RSPO2: variants seen among roughly 807,000 people sequenced by gnomAD.
RSPO2 encodes the protein R-spondin 2.
A neutral mutation model predicts 30.9 loss-of-function variants in RSPO2; 14 were observed. The observed-to-expected ratio is 0.45, with a 90% CI of 0.30 to 0.71. The LOEUF (loss-of-function observed/expected upper bound fraction) is 0.71. Among genes scored for constraint, RSPO2 ranks in the 30% least tolerant of loss-of-function variants. The pLI, the probability that RSPO2 is intolerant of heterozygous loss-of-function variation, is 0.08. For synonymous variants in RSPO2, 107 were observed against 96.4 expected (o/e 1.11, Z -0.64); for missense variants, 264 against 301.9 (o/e 0.87, Z 0.93).
At chr8:108,035,934 AACAT>A (rs1206315533) in intron 2 of RSPO2, among the ~76,000 whole-genome samples, 5 of 152,200 alleles carry the variant, frequency 3.3e-5, no homozygotes, top group African/African-American at 1.2e-4. Flanking sequence ...GGCTAATAAA[AACAT>A]TTTTCATGAT....
intron 2 of RSPO2, among the ~76,000 whole-genome samples, chr8:108,005,414 A>G (rs1815420058): frequency 1.3e-5 from 2 of 152,198 alleles, no homozygotes; most frequent in Non-Finnish European, 1.5e-5. Context: ...TTTTGCCTAA[A>G]TAAACTATTA....
chr8:107,928,719 C>T (rs1586552354), intron 5 of RSPO2, among the ~76,000 whole-genome samples: 2 of 152,300 alleles, frequency 1.3e-5, no homozygotes, highest in South Asian at 4.1e-4. Context: ...TCCAAAGCTT[C>T]ATAGCGGGTA....
rs191169328 is a variant in RSPO2, at chr8:108,024,761, T to C, written c.95-35517A>G. Among the ~76,000 whole-genome samples, 896 of 152,346 alleles carry C rather than the reference T, an allele frequency of 5.9e-3. 6 individuals carry two copies. The highest frequency in any genetic ancestry group is 0.02 in the South Asian group (98 of 4,830). Reference sequence around the variant, plus strand: ...TAGGCTGGGCATGGTGGCTCACGCCTGTAATCCCAGCACTTTGGGAGGCCA... The same window carrying C: ...TAGGCTGGGCATGGTGGCTCACGCCCGTAATCCCAGCACTTTGGGAGGCCA... On this transcript the variant is annotated intron_variant, in intron 2 of 5. Coordinates refer to ENST00000276659, the MANE Select transcript of RSPO2 (RefSeq NM_178565.5).
chr8:107,909,261 T>TGG (rs59607581), intron 5 of RSPO2, among the ~76,000 whole-genome samples: 1 of 107,704 alleles, frequency 9.3e-6, no homozygotes, highest in African/African-American at 3.4e-5. Flanking sequence ...TCCCAGTTGT[T>TGG]TTTTTTTTTT....
chr8:108,059,445 G>A (rs974617793), intron 2 of RSPO2, among the ~76,000 whole-genome samples: 7 of 151,486 alleles, frequency 4.6e-5, no homozygotes, highest in Non-Finnish European at 8.8e-5. Context: ...TCAGTGTGGC[G>A]ATTCCTCAGG....
intron 5 of RSPO2, among the ~76,000 whole-genome samples, chr8:107,947,879 T>C (rs962969878): frequency 7.2e-5 from 11 of 152,266 alleles, no homozygotes; most frequent in African/African-American, 2.7e-4. Flanking sequence ...TCACAAATTC[T>C]GCGTTTCGGC....
intron 3 of RSPO2, among the ~76,000 whole-genome samples, chr8:107,972,019 C>T (rs916780008): frequency 2.6e-5 from 4 of 152,186 alleles, no homozygotes; most frequent in African/African-American, 9.7e-5. Flanking sequence ...ATGTAGAAAA[C>T]AGAGCCTGTC....
chr8:107,974,244 T>C (rs1224725267), intron 3 of RSPO2, among the ~76,000 whole-genome samples: 3 of 147,090 alleles, frequency 2.0e-5, no homozygotes, highest in Non-Finnish European at 4.5e-5. Context: ...TCCAACACTT[T>C]GGGAGGCCGA....
At position 108,049,395 on chromosome 8, in the gene RSPO2, A is replaced by T. The variant is rs566104232; in HGVS notation, c.94+33150T>A. Among the ~76,000 whole-genome samples the T allele has an allele frequency of 8.6e-4, 131 of 151,608 alleles. 3 individuals carry two copies. The highest frequency in any genetic ancestry group is 3.4e-3 in the Middle Eastern group (1 of 294). On this transcript the variant is annotated intron_variant, in intron 2 of 5. Transcript: ENST00000276659. ...TTAAAGAATACATGCATCTTTTTTA[A>T]AAAAAAATTACTTTAGATTCTGGGA... is the stretch of plus-strand genomic sequence containing the variant.
intron 5 of RSPO2, among the ~76,000 whole-genome samples, chr8:107,921,752 C>T (rs1181592401): frequency 6.6e-6 from 1 of 152,096 alleles, no homozygotes; most frequent in Non-Finnish European, 1.5e-5. Flanking sequence ...ACAGCTTATC[C>T]ACCATGATCA....
At chr8:108,024,008 G>T (rs1239770709) in intron 2 of RSPO2, among the ~76,000 whole-genome samples, 3 of 152,090 alleles carry the variant, frequency 2.0e-5, no homozygotes, top group Non-Finnish European at 4.4e-5. Context: ...CATTAAACAT[G>T]AATTAAATTA....
intron 3 of RSPO2, chr8:107,983,384 C>T: frequency 6.2e-7 from 1 of 1,607,052 alleles, no homozygotes; most frequent in South Asian, 1.1e-5. Flanking sequence ...CAGCAGAACA[C>T]AGACAAGGAT....
intron 5 of RSPO2, among the ~76,000 whole-genome samples, chr8:107,921,493 C>A (rs1812171780): frequency 6.6e-6 from 1 of 152,032 alleles, no homozygotes; most frequent in South Asian, 2.1e-4. Flanking sequence ...CTGAAAGTAA[C>A]TATCAACTTA....
intron 3 of RSPO2, among the ~76,000 whole-genome samples, chr8:107,961,991 G>T (rs553829184): frequency 6.6e-6 from 1 of 152,328 alleles, no homozygotes; most frequent in East Asian, 1.9e-4. Context: ...AAGGAGAGAA[G>T]TTCGCAGGAC....
At chr8:108,078,918 A>G (rs1813099667) in intron 2 of RSPO2, among the ~76,000 whole-genome samples, 1 of 152,254 alleles carries the variant, frequency 6.6e-6, no homozygotes, top group Admixed American at 6.5e-5. Flanking sequence ...TGAGGGAGAT[A>G]TAAGATTAAG....
intron 2 of RSPO2, among the ~76,000 whole-genome samples, chr8:107,992,909 T>C (rs1047915241): frequency 1.3e-5 from 2 of 151,248 alleles, no homozygotes; most frequent in African/African-American, 4.9e-5. Context: ...AAGGCAAATA[T>C]CTTAATTTTT....
intron 5 of RSPO2, among the ~76,000 whole-genome samples, chr8:107,906,429 C>G (rs978371133): frequency 7.0e-6 from 1 of 142,150 alleles, no homozygotes; most frequent in Non-Finnish European, 1.6e-5. Flanking sequence ...TAACAATTAA[C>G]TTTATATCCA....
At chr8:107,943,900 C>T (rs1342427825) in intron 5 of RSPO2, among the ~76,000 whole-genome samples, 6 of 152,190 alleles carry the variant, frequency 3.9e-5, no homozygotes, top group Non-Finnish European at 7.3e-5. Context: ...CAGGTTTTGA[C>T]GTAAGATGAA....
At position 107,904,110 on chromosome 8, in the gene RSPO2, A is replaced by T. The variant is rs1563742519; in HGVS notation, c.617-2920T>A. On this transcript the variant is annotated intron_variant, in intron 5 of 5. Transcript: ENST00000276659. Reference sequence around the variant, plus strand: ...TCTATATATTTGAAAATAAGTTATAATAGACATACAAACGTGCTAATTTCT... The same window carrying T: ...TCTATATATTTGAAAATAAGTTATATTAGACATACAAACGTGCTAATTTCT... Among the ~76,000 whole-genome samples, 5 of 152,076 alleles carry T rather than the reference A, an allele frequency of 3.3e-5. No individual in the cohort carries two copies. The South Asian group carries it at 8.3e-4, about 25-fold the overall frequency.
Sources: allele counts gnomAD v4.1 joint callset (sites outside exome capture counted in the v4.1 genomes callset), GRCh38; gene constraint gnomAD v4.1.1; transcripts MANE v1.5; gene names NCBI Gene and HGNC (gene_info 2026-07-23, HGNC 2026-07-21).